Variants in MCU observed in about 807,000 individuals in gnomAD.
The protein encoded by MCU is calcium uniporter protein, mitochondrial.
A neutral mutation model predicts 45.2 loss-of-function variants in MCU; 12 were observed. That is an observed-to-expected ratio of 0.27 (90% CI 0.17 to 0.43). The LOEUF is 0.43. Ranked by LOEUF, MCU falls within the 20% of genes least tolerant of loss-of-function variation. The pLI is 1.00. For synonymous variants in MCU, 160 were observed against 165.1 expected (o/e 0.97, Z 0.24); for missense variants, 324 against 436.7 (o/e 0.74, Z 2.30).
intron 1 of MCU, among the ~76,000 whole-genome samples, chr10:72,725,905 C>CT (rs1035373995): frequency 4.6e-5 from 7 of 152,058 alleles, no homozygotes; most frequent in Non-Finnish European, 1.0e-4. Flanking sequence ...AAAAATTAAT[C>CT]TATGTGTTTA....
intron 4 of MCU, 136 bp from the exon 5 acceptor site, chr10:72,868,567 A>T: frequency 1.4e-6 from 1 of 710,520 alleles, no homozygotes; most frequent in Non-Finnish European, 2.2e-6. Flanking sequence ...AAAAAAAAAA[A>T]GAGAGCTATT....
chr10:72,878,111 C>CTTT lies in MCU; in HGVS notation c.862-6132_862-6130dup, dbSNP rs10715401. 4.1e-3 allele frequency among the ~76,000 whole-genome samples: 316 copies of CTTT among 77,964 alleles called. 2 individuals carry two copies. Among genetic ancestry groups the CTTT allele is most frequent in the Non-Finnish European group, 5.8e-3 (253 of 43,378 alleles). The allele number at this position is 77,964 out of a possible 152,430, so 51.1% of individuals were successfully genotyped here. A position where few individuals can be genotyped will look rare whatever the true frequency, so the allele number is the denominator to read the frequency against. On this transcript the variant is annotated intron_variant, in intron 6 of 7. Coordinates refer to ENST00000373053, the MANE Select transcript of MCU (RefSeq NM_138357.3). ...TAAATTATTTCTACAAATAATTTTG[C>CTTT]TTTTTTTTTTTTTTTTTTTTTTTTT...
chr10:72,739,188 T>G (rs1005186271), intron 1 of MCU, among the ~76,000 whole-genome samples: 4 of 151,804 alleles, frequency 2.6e-5, no homozygotes, highest in African/African-American at 9.7e-5. Flanking sequence ...TGCCTTAACA[T>G]TTTTTTTGAC....
chr10:72,767,511 T>A (rs763303845), intron 1 of MCU, among the ~76,000 whole-genome samples: 1 of 152,122 alleles, frequency 6.6e-6, no homozygotes, highest in African/African-American at 2.4e-5. Flanking sequence ...TTAATTTAAC[T>A]GTGTTTTAAT....
At chr10:72,692,829 C>G in intron 1 of MCU, 2 of 1,426,218 alleles carry the variant, frequency 1.4e-6, no homozygotes. Flanking sequence ...TCTCTCGTCC[C>G]CGAGGGGTCG....
chr10:72,730,670 A>C (rs572129550), intron 1 of MCU: 1 of 152,350 alleles, frequency 6.6e-6, no homozygotes, highest in South Asian at 2.1e-4. Context: ...CAGTCTCTGA[A>C]TATGACCTCT....
chr10:72,868,037 G>T (rs1265015980), intron 4 of MCU, among the ~76,000 whole-genome samples: 1 of 151,904 alleles, frequency 6.6e-6, no homozygotes, highest in African/African-American at 2.4e-5. Flanking sequence ...TAATCAAATT[G>T]ATTCTAAACC....
At chr10:72,720,645 A>T (rs1236436996) in intron 1 of MCU, among the ~76,000 whole-genome samples, 1 of 152,126 alleles carries the variant, frequency 6.6e-6, no homozygotes, top group Non-Finnish European at 1.5e-5. Flanking sequence ...CACACATTTT[A>T]TACTTCCATT....
chr10:72,882,438 T>C (rs962144600), intron 6 of MCU, among the ~76,000 whole-genome samples: 2 of 152,188 alleles, frequency 1.3e-5, no homozygotes, highest in Non-Finnish European at 2.9e-5. Flanking sequence ...ATTCTTTTTC[T>C]CAGCAAGGAA....
intron 1 of MCU, chr10:72,692,828 C>T (rs1202967994): frequency 1.4e-6 from 2 of 1,425,084 alleles, no homozygotes; most frequent in South Asian, 3.1e-5. Flanking sequence ...CTCTCTCGTC[C>T]CCGAGGGGTC....
chr10:72,692,165 C>A lies in MCU; in HGVS notation c.14C>A (p.Ala5Glu), dbSNP rs755779031. Residue 5 changes from alanine to glutamate, a missense_variant, in exon 1 of 8, where the codon GCA (alanine) becomes GAA (glutamate). This residue lies in a region of MCU where 111 missense variants were observed against 112.3 expected (regional missense o/e 0.99). Transcript: ENST00000373053. ...TCCAGTTGAGAGATGGCGGCCGCCG[C>A]AGGTAGATCGCTCCTGCTGCTCCTC... MAAA[A>E]GRSLLLLLSS... is the part of the protein sequence containing the mutation. 2 of 1,290,780 alleles carry A rather than the reference C, an allele frequency of 1.5e-6. No homozygotes were observed. The highest frequency in any genetic ancestry group is 2.0e-6 in the Non-Finnish European group (2 of 1,012,146). The allele number at this position is 1,290,780 out of a possible 1,614,324, so 80.0% of individuals were successfully genotyped here.
At chr10:72,707,002 G>A (rs1842830053) in intron 1 of MCU, among the ~76,000 whole-genome samples, 1 of 151,152 alleles carries the variant, frequency 6.6e-6, no homozygotes, top group Non-Finnish European at 1.5e-5. Flanking sequence ...GCTAATTTTT[G>A]TATTTTTAGT....
chr10:72,861,487 C>T (rs964199313), intron 4 of MCU, among the ~76,000 whole-genome samples: 9 of 151,710 alleles, frequency 5.9e-5, no homozygotes, highest in South Asian at 2.1e-4. Flanking sequence ...AGCCCAGTGA[C>T]ATGACACTGG....
chr10:72,871,355 T>G (rs375923662), intron 5 of MCU, 22 bp from the exon 6 acceptor site: 81 of 1,611,620 alleles, frequency 5.0e-5, no homozygotes, highest in Non-Finnish European at 5.8e-5. Context: ...CAAAATGCCT[T>G]ATGATTATGT....
chr10:72,833,213 C>T (rs751792572), intron 1 of MCU, among the ~76,000 whole-genome samples: 1 of 152,152 alleles, frequency 6.6e-6, no homozygotes, highest in Non-Finnish European at 1.5e-5. Context: ...ATGTATTATT[C>T]ACTGTATGGG....
At chr10:72,833,508 A>G (rs956955436) in intron 1 of MCU, among the ~76,000 whole-genome samples, 2 of 152,256 alleles carry the variant, frequency 1.3e-5, no homozygotes, top group African/African-American at 4.8e-5. Context: ...AATACAGCTT[A>G]GTAGATACTA....
chr10:72,717,128 T>TC (rs1491489988), intron 1 of MCU, among the ~76,000 whole-genome samples: 5 of 22,198 alleles, frequency 2.3e-4, no homozygotes, highest in African/African-American at 1.3e-3. Context: ...TCTCTCTCTC[T>TC]TTTTTTTTTT....
intron 1 of MCU, among the ~76,000 whole-genome samples, chr10:72,733,859 T>G (rs1289260452): frequency 2.0e-5 from 3 of 151,822 alleles, no homozygotes; most frequent in Admixed American, 2.0e-4. Context: ...ATTAACTTTT[T>G]ATTATGATGG....
chr10:72,878,999 C>T (rs968921183), intron 6 of MCU, among the ~76,000 whole-genome samples: 1 of 152,210 alleles, frequency 6.6e-6, no homozygotes, highest in Non-Finnish European at 1.5e-5. Flanking sequence ...CGCGGTGGCT[C>T]ACACCTGTAA....
Sources: gnomAD v4.1 joint callset for allele counts (sites outside exome capture counted in the v4.1 genomes callset) on GRCh38, gnomAD v4.1.1 for gene constraint, gnomAD v4.1.1 regional missense constraint, MANE v1.5 for transcripts, NCBI Gene and HGNC (gene_info 2026-07-23, HGNC 2026-07-21) for gene names.